The following BNC2 variants were observed in gnomAD, a reference collection of about 807,000 sequenced individuals.
The protein encoded by BNC2 is basonuclin zinc finger protein 2, also known as zinc finger protein basonuclin-2.
BNC2 carries 20 observed loss-of-function variants against 76.3 expected under a neutral mutation model. The observed-to-expected ratio is 0.26, with a 90% CI of 0.18 to 0.38. The LOEUF (loss-of-function observed/expected upper bound fraction) is 0.38. Ranked by LOEUF, BNC2 falls within the 10% of genes least tolerant of loss-of-function variation. The pLI is 1.00. For synonymous variants in BNC2, 582 were observed against 514.8 expected, an observed-to-expected ratio of 1.13 and a Z score of -1.77; for missense variants, 1,382 against 1,399.8, an observed-to-expected ratio of 0.99 and a Z score of 0.20.
intron 5 of BNC2, among the ~76,000 whole-genome samples, chr9:16,502,650 C>T (rs1386237911): frequency 6.6e-6 from 1 of 152,004 alleles, no homozygotes; most frequent in Non-Finnish European, 1.5e-5. Context: ...CAAGGTCTTC[C>T]ACAGGTCTGA....
chr9:16,842,206 C>G (rs1168624077), intron 1 of BNC2, among the ~76,000 whole-genome samples: 1 of 152,132 alleles, frequency 6.6e-6, no homozygotes, highest in Non-Finnish European at 1.5e-5. Flanking sequence ...TTTTTAGTAT[C>G]TTGCAAACTG....
chr9:16,577,883 C>CT (rs1481027775), intron 4 of BNC2, among the ~76,000 whole-genome samples: 2 of 151,952 alleles, frequency 1.3e-5, no homozygotes, highest in Non-Finnish European at 2.9e-5. Context: ...ATGGTATATC[C>CT]TTTCATTTAA....
At chr9:16,454,805 T>C (rs1477066070) in intron 5 of BNC2, among the ~76,000 whole-genome samples, 2 of 152,216 alleles carry the variant, frequency 1.3e-5, no homozygotes, top group African/African-American at 4.8e-5. Context: ...CCAGAAGTTT[T>C]ACATAATATA....
In BNC2 at chr9:16,561,247, A is replaced by C. The variant is rs543163454; in HGVS notation, c.434-8482T>G. Among the ~76,000 whole-genome samples, 33 of 152,116 alleles carry C rather than the reference A, an allele frequency of 2.2e-4. 1 individual carries two copies. In the South Asian group the frequency reaches 6.6e-3, roughly 31 times the overall value. ...GAGTGAAACTCCGCCTCAAAAAAAA[A>C]AAAACAAAACCCACAGCCTTTGAAA... On this transcript the variant is annotated intron_variant, in intron 4 of 6. Transcript: ENST00000380672.
At chr9:16,628,186 T>C (rs1046501364) in intron 3 of BNC2, among the ~76,000 whole-genome samples, 1 of 152,180 alleles carries the variant, frequency 6.6e-6, no homozygotes, top group Admixed American at 6.5e-5. Context: ...GCTTTGGCAG[T>C]GGGACCAGCT....
At chr9:16,824,523 C>T (rs779880873) in intron 1 of BNC2, among the ~76,000 whole-genome samples, 1 of 152,148 alleles carries the variant, frequency 6.6e-6, no homozygotes, top group Non-Finnish European at 1.5e-5. Context: ...CTGTTATCTC[C>T]TTGATAAGCA....
chr9:16,462,998 C>T (rs1244430047), intron 5 of BNC2, among the ~76,000 whole-genome samples: 1 of 152,148 alleles, frequency 6.6e-6, no homozygotes, highest in Non-Finnish European at 1.5e-5. Flanking sequence ...GATCATTTCC[C>T]CCGCAGCCCA....
intron 5 of BNC2, among the ~76,000 whole-genome samples, chr9:16,488,834 CA>C (rs369463874): frequency 2.7e-5 from 4 of 149,240 alleles, no homozygotes; most frequent in South Asian, 2.1e-4. Flanking sequence ...CTTCTTTTAG[CA>C]AAAAAAAACC....
intron 1 of BNC2, among the ~76,000 whole-genome samples, chr9:16,771,718 T>C (rs1441192144): frequency 1.3e-5 from 2 of 152,216 alleles, no homozygotes; most frequent in Non-Finnish European, 2.9e-5. Flanking sequence ...ACCATTTATA[T>C]TTTTTCTCAT....
chr9:16,728,986 A>G (rs979550230), intron 2 of BNC2, among the ~76,000 whole-genome samples: 4 of 152,196 alleles, frequency 2.6e-5, no homozygotes, highest in African/African-American at 9.6e-5. Flanking sequence ...AAACAAAAAA[A>G]GCCTGTCCCA....
intron 3 of BNC2, among the ~76,000 whole-genome samples, chr9:16,654,899 C>A (rs767799771): frequency 3.3e-5 from 5 of 152,140 alleles, no homozygotes; most frequent in Admixed American, 2.0e-4. Context: ...CAAGTCTCTA[C>A]TGTAACTGTT....
Position 16,427,981 on chromosome 9 carries a change from G to A in BNC2, c.2639+7574C>T, listed in dbSNP as rs138703902. Among the ~76,000 whole-genome samples the A allele has an allele frequency of 2.6e-5, 4 of 152,196 alleles. No homozygotes were observed. In the East Asian group the frequency reaches 7.7e-4, roughly 29 times the overall value. On this transcript the variant is annotated intron_variant, in intron 6 of 6. Transcript: ENST00000380672. ...GACAAATACATAAGTTTTTTTTAAT[G>A]TGGATTTTTTATGGTACTGTCATAC...
At chr9:16,836,641 T>G (rs1818714180) in intron 1 of BNC2, among the ~76,000 whole-genome samples, 1 of 152,142 alleles carries the variant, frequency 6.6e-6, no homozygotes, top group Non-Finnish European at 1.5e-5. Context: ...TGAACCCTCC[T>G]CACCACAGAA....
At chr9:16,603,539 A>C (rs918803963) in intron 3 of BNC2, among the ~76,000 whole-genome samples, 2 of 152,196 alleles carry the variant, frequency 1.3e-5, no homozygotes, top group African/African-American at 4.8e-5. Flanking sequence ...TTGAGACGCT[A>C]AACATATAGT....
At chr9:16,652,061 A>G (rs1000141629) in intron 3 of BNC2, among the ~76,000 whole-genome samples, 1 of 152,154 alleles carries the variant, frequency 6.6e-6, no homozygotes, top group Non-Finnish European at 1.5e-5. Context: ...AAAGACATTG[A>G]TATATCCTAA....
chr9:16,870,024 C>A (rs1436811818), intron 1 of BNC2, among the ~76,000 whole-genome samples: 1 of 152,172 alleles, frequency 6.6e-6, no homozygotes, highest in African/African-American at 2.4e-5. Context: ...TCCTGCCCTG[C>A]GTTCTGCACC....
intron 4 of BNC2, among the ~76,000 whole-genome samples, chr9:16,566,336 G>T (rs1160047422): frequency 2.0e-5 from 3 of 152,024 alleles, no homozygotes; most frequent in Non-Finnish European, 2.9e-5. Context: ...CAATGGAAGG[G>T]GTAAATGTAT....
intron 1 of BNC2, among the ~76,000 whole-genome samples, chr9:16,751,698 A>ATATATGTATGTGTGTGCG (rs1271866084): frequency 7.1e-6 from 1 of 140,278 alleles, no homozygotes; most frequent in South Asian, 2.3e-4. Flanking sequence ...GTGTGTATAT[A>ATATATGTATGTGTGTGCG]TATATATATG....
Position 16,861,172 on chromosome 9 carries a change from T to C in BNC2, c.3+9474A>G, listed in dbSNP as rs575711441. ...GGCTGGGCAACATGGTAATACCCTA[T>C]CTCTACAAAATATATATATATATAT... On this transcript the variant is annotated intron_variant, in intron 1 of 6. Transcript: ENST00000380672. Among the ~76,000 whole-genome samples the C allele has an allele frequency of 4.3e-4, 30 of 69,056 alleles. No individual in the cohort carries two copies. The East Asian group carries it at 0.012, about 28-fold the overall frequency. The allele number at this position is 69,056 out of a possible 152,430, so 45.3% of individuals were successfully genotyped here.
Sources: allele counts gnomAD v4.1 joint callset (sites outside exome capture counted in the v4.1 genomes callset), GRCh38; gene constraint gnomAD v4.1.1; transcripts MANE v1.5; gene names NCBI Gene and HGNC (gene_info 2026-07-23, HGNC 2026-07-21).